The following NTNG1 variants were observed in gnomAD, a reference collection of about 807,000 sequenced individuals.
NTNG1 encodes netrin G1.
A neutral mutation model predicts 54.0 loss-of-function variants in NTNG1; 16 were observed. The ratio of observed to expected loss-of-function variants is 0.30; its 90% CI spans 0.20 to 0.45. NTNG1 has a LOEUF of 0.45. Among genes scored for constraint, NTNG1 ranks in the 20% least tolerant of loss-of-function variants. NTNG1 has a pLI of 1.00. For synonymous variants in NTNG1, 255 were observed against 263.1 expected (o/e 0.97, Z 0.30); for missense variants, 530 against 678.7 (o/e 0.78, Z 2.43).
chr1:107,251,948 ATTTAG>A lies in NTNG1; in HGVS notation c.247-72329_247-72325del, dbSNP rs369428444. 3.5e-4 allele frequency among the ~76,000 whole-genome samples: 53 copies of A among 152,318 alleles called. No homozygotes were observed. The East Asian group carries it at 9.6e-3, about 28-fold the overall frequency. ...ACCAAAATACTGAGAACGGAAGGGT[ATTTAG>A]TTTAAGAGAGTAGGCTCTGGAACCA... On this transcript the variant is annotated intron_variant, in intron 2 of 7. Transcript: ENST00000370068.
chr1:107,468,114 G>GA (rs200855217), intron 7 of NTNG1, among the ~76,000 whole-genome samples: 95 of 150,660 alleles, frequency 6.3e-4, no homozygotes, highest in African/African-American at 2.0e-3. Flanking sequence ...CGATTCCCTG[G>GA]AAAAAAAAAT....
intron 5 of NTNG1, among the ~76,000 whole-genome samples, chr1:107,416,286 A>G (rs1468750123): frequency 6.6e-6 from 1 of 152,164 alleles, no homozygotes; most frequent in Non-Finnish European, 1.5e-5. Flanking sequence ...TAACGAAGTT[A>G]GGCATTCTAC....
At chr1:107,193,773 G>T (rs553004729) in intron 2 of NTNG1, among the ~76,000 whole-genome samples, 6 of 151,936 alleles carry the variant, frequency 3.9e-5, no homozygotes, top group Admixed American at 2.6e-4. Context: ...ACCTTACTCA[G>T]GTCCATTCTC....
intron 2 of NTNG1, among the ~76,000 whole-genome samples, chr1:107,286,974 G>T (rs756006495): frequency 6.6e-6 from 1 of 152,070 alleles, no homozygotes; most frequent in Non-Finnish European, 1.5e-5. Context: ...TCTGTACAGG[G>T]TGTTTATAGA....
intron 5 of NTNG1, among the ~76,000 whole-genome samples, chr1:107,413,435 G>A (rs371377659): frequency 5.9e-5 from 9 of 151,794 alleles, no homozygotes; most frequent in African/African-American, 1.7e-4. Flanking sequence ...TCCCAAGTGC[G>A]GTGTGTGCTT....
At chr1:107,343,095 T>C (rs577466836) in intron 3 of NTNG1, among the ~76,000 whole-genome samples, 1 of 152,284 alleles carries the variant, frequency 6.6e-6, no homozygotes, top group East Asian at 1.9e-4. Flanking sequence ...TCTCCCAACA[T>C]ACTTTATTAG....
intron 2 of NTNG1, among the ~76,000 whole-genome samples, chr1:107,279,423 T>C (rs1218057983): frequency 6.6e-6 from 1 of 152,188 alleles, no homozygotes; most frequent in Non-Finnish European, 1.5e-5. Flanking sequence ...ATTTAACAAC[T>C]AGCGTGACAT....
intron 2 of NTNG1, among the ~76,000 whole-genome samples, chr1:107,161,022 C>T (rs1655361277): frequency 6.6e-6 from 1 of 152,130 alleles, no homozygotes; most frequent in South Asian, 2.1e-4. Context: ...CACTTTCTGA[C>T]TATCAGACTA....
At chr1:107,265,335 A>G (rs1222706895) in intron 2 of NTNG1, among the ~76,000 whole-genome samples, 1 of 152,140 alleles carries the variant, frequency 6.6e-6, no homozygotes, top group Non-Finnish European at 1.5e-5. Flanking sequence ...AGAAAAAAAA[A>G]AAGGATTTTC....
intron 7 of NTNG1, among the ~76,000 whole-genome samples, chr1:107,470,263 A>G (rs557800384): frequency 6.6e-6 from 1 of 152,358 alleles, no homozygotes; most frequent in Non-Finnish European, 1.5e-5. Flanking sequence ...TAACTGAATT[A>G]CCTTTATTAT....
chr1:107,395,575 A>AT, intron 4 of NTNG1: 1 of 665,300 alleles, frequency 1.5e-6, no homozygotes, highest in Non-Finnish European at 2.8e-6. Flanking sequence ...CACAGAAGGA[A>AT]TTTTTTATAA....
intron 5 of NTNG1, among the ~76,000 whole-genome samples, chr1:107,415,209 C>T (rs780343576): frequency 1.3e-5 from 2 of 152,126 alleles, no homozygotes; most frequent in African/African-American, 4.8e-5. Context: ...TTGCCATTTA[C>T]AAGCATATCG....
At chr1:107,428,235 C>T (rs934571173) in intron 5 of NTNG1, among the ~76,000 whole-genome samples, 3 of 152,094 alleles carry the variant, frequency 2.0e-5, no homozygotes, top group African/African-American at 7.2e-5. Context: ...TTTTAATAAA[C>T]TCTACCTGCC....
chr1:107,472,436 G>A (rs1045915323), intron 7 of NTNG1, among the ~76,000 whole-genome samples: 2 of 152,218 alleles, frequency 1.3e-5, no homozygotes, highest in Non-Finnish European at 2.9e-5. Context: ...CTTTACAGCT[G>A]CAACTAGAAT....
intron 4 of NTNG1, among the ~76,000 whole-genome samples, chr1:107,403,908 A>T (rs1010964610): frequency 6.6e-6 from 1 of 151,772 alleles, no homozygotes; most frequent in African/African-American, 2.4e-5. Flanking sequence ...TTCAGCTTTC[A>T]TTTGTTATCA....
intron 5 of NTNG1, among the ~76,000 whole-genome samples, chr1:107,415,795 C>G (rs483323): frequency 0.04 from 6,156 of 152,180 alleles, 280 homozygotes; most frequent in East Asian, 0.21. Flanking sequence ...GCTTCATGTT[C>G]TACAAAAACT....
chr1:107,303,343 A>T (rs192371177), intron 2 of NTNG1, among the ~76,000 whole-genome samples: 6 of 152,342 alleles, frequency 3.9e-5, no homozygotes, highest in African/African-American at 1.4e-4. Context: ...TAATGAGATT[A>T]GAAAGTGAGG....
intron 3 of NTNG1, among the ~76,000 whole-genome samples, chr1:107,378,141 A>G (rs1424219416): frequency 5.9e-5 from 9 of 152,222 alleles, no homozygotes; most frequent in African/African-American, 2.2e-4. Context: ...CAATGTAGAA[A>G]CCGAAGCTCA....
intron 2 of NTNG1, among the ~76,000 whole-genome samples, chr1:107,238,565 G>A (rs575108209): frequency 1.3e-5 from 2 of 152,226 alleles, no homozygotes; most frequent in Admixed American, 1.3e-4. Context: ...ACATGTTGTG[G>A]GAGAGACACA....
Sources: gnomAD v4.1 joint callset for allele counts (sites outside exome capture counted in the v4.1 genomes callset) on GRCh38, gnomAD v4.1.1 for gene constraint, MANE v1.5 for transcripts, NCBI Gene and HGNC (gene_info 2026-07-23, HGNC 2026-07-21) for gene names.